The following ARSG variants were observed in gnomAD, a reference collection of about 807,000 sequenced individuals.
The protein encoded by ARSG is ASG.
A neutral mutation model predicts 50.5 loss-of-function variants in ARSG; 37 were observed. The ratio of observed to expected loss-of-function variants is 0.73; its 90% CI spans 0.56 to 0.96. The LOEUF is 0.96. ARSG is among the 50% of genes least tolerant of loss of function. The probability of loss-of-function intolerance (pLI) is 0.00; values close to 1 mark genes in which losing one functional copy is unlikely to be tolerated. For missense variants in ARSG, 629 were observed against 675.3 expected (o/e 0.93, Z 0.76); for synonymous variants, 225 against 254.6 (o/e 0.88, Z 1.11).
intron 4 of ARSG, 23 bp downstream of exon 4, chr17:68,347,195 G>T: frequency 6.2e-7 from 1 of 1,611,032 alleles, no homozygotes. Flanking sequence ...TTGGGGATTT[G>T]TTACCTGGGA....
chr17:68,431,155 C>A, the ARSG span, among the ~76,000 whole-genome samples: 1 of 152,120 alleles, frequency 6.6e-6, no homozygotes, highest in African/African-American at 2.4e-5. Context: ...TGAGAGAGCA[C>A]GGGTGTATAC....
At chr17:68,351,546 G>C in intron 4 of ARSG, 29 bp from the exon 5 acceptor site, 2 of 1,316,348 alleles carry the variant, frequency 1.5e-6, no homozygotes, top group Non-Finnish European at 2.2e-6. Flanking sequence ...CAGCCACGTG[G>C]GGGTGCTAAC....
At chr17:68,278,053 T>C (rs537004480) in intron 1 of ARSG, 1 of 1,475,818 alleles carries the variant, frequency 6.8e-7, no homozygotes, top group African/African-American at 1.4e-5. Context: ...AAGGGCCCTA[T>C]ACTTACGTCA....
chr17:68,403,209 A>G (rs956716808), intron 11 of ARSG, among the ~76,000 whole-genome samples: 32 of 152,212 alleles, frequency 2.1e-4, no homozygotes, highest in Admixed American at 1.8e-3. Context: ...TAGAGTCCTT[A>G]TATTACATTA....
chr17:68,426,747 C>T (rs2083221206), downstream of ARSG, among the ~76,000 whole-genome samples: 1 of 152,174 alleles, frequency 6.6e-6, no homozygotes, highest in Non-Finnish European at 1.5e-5. Context: ...GTTGGCTAGG[C>T]TGGTCTCAAA....
chr17:68,418,308 T>C (rs182280084), intron 11 of ARSG, among the ~76,000 whole-genome samples: 1 of 152,322 alleles, frequency 6.6e-6, no homozygotes, highest in Non-Finnish European at 1.5e-5. Context: ...TTCAGATTTT[T>C]CCCTTGATCT....
intron 9 of ARSG, among the ~76,000 whole-genome samples, chr17:68,394,051 A>T (rs2081121758): frequency 6.6e-6 from 1 of 151,922 alleles, no homozygotes; most frequent in African/African-American, 2.4e-5. Flanking sequence ...TTCAGCCTTT[A>T]TTCACATTTT....
At chr17:68,268,088 C>A (rs2075211165) in intron 1 of ARSG, 1 of 152,046 alleles carries the variant, frequency 6.6e-6, no homozygotes, top group Non-Finnish European at 1.5e-5. Context: ...ACACGTTGCC[C>A]CTAATCAAAT....
At chr17:68,358,652 G>A (rs1157855470) in intron 6 of ARSG, among the ~76,000 whole-genome samples, 1 of 151,942 alleles carries the variant, frequency 6.6e-6, no homozygotes, top group Non-Finnish European at 1.5e-5. Flanking sequence ...TTGTGCCACC[G>A]CACTCCAGCC....
chr17:68,364,734 T>A (rs1253413482), intron 6 of ARSG, among the ~76,000 whole-genome samples: 1 of 152,172 alleles, frequency 6.6e-6, no homozygotes, highest in Non-Finnish European at 1.5e-5. Flanking sequence ...TTTATTAAGG[T>A]ATAGTTGAAA....
intron 1 of ARSG, among the ~76,000 whole-genome samples, chr17:68,301,362 G>C (rs1330782552): frequency 6.6e-6 from 1 of 152,180 alleles, no homozygotes; most frequent in East Asian, 1.9e-4. Flanking sequence ...CCTTTGTCCT[G>C]GCTATCGTGG....
chr17:68,392,486 A>C (rs2081041179), intron 9 of ARSG, among the ~76,000 whole-genome samples: 1 of 152,050 alleles, frequency 6.6e-6, no homozygotes, highest in South Asian at 2.1e-4. Flanking sequence ...AACCATAAAC[A>C]TTCGCTATTT....
upstream of ARSG, chr17:68,291,212 C>A (rs1266148349): frequency 1.3e-5 from 2 of 151,818 alleles, no homozygotes; most frequent in Non-Finnish European, 2.9e-5. Context: ...GGGCCCGACT[C>A]TAGCGCAAGT....
At chr17:68,357,266 G>C (rs896121007) in intron 6 of ARSG, among the ~76,000 whole-genome samples, 1 of 152,238 alleles carries the variant, frequency 6.6e-6, no homozygotes, top group East Asian at 1.9e-4. Context: ...CTGGAGGCCA[G>C]ATGTCTGAAA....
At chr17:68,261,124 G>A (rs545880567) in intron 1 of ARSG, among the ~76,000 whole-genome samples, 19 of 152,274 alleles carry the variant, frequency 1.2e-4, no homozygotes, top group Middle Eastern at 3.4e-3. Context: ...CAGCTGTTTC[G>A]TAGCAGCACA....
At chr17:68,372,696 G>A (rs919188084) in intron 8 of ARSG, among the ~76,000 whole-genome samples, 5 of 152,036 alleles carry the variant, frequency 3.3e-5, no homozygotes, top group African/African-American at 1.2e-4. Flanking sequence ...GGGACACAGA[G>A]CCAAACCGTA....
chr17:68,356,768 A>G lies in ARSG; in HGVS notation c.668A>G (p.Tyr223Cys). ...AACTTGAGCAGCCTTGCCCAGAAGT[A>G]TGCTGAGAAAGCAACCCAGTTCATC... ...PVNLSSLAQK[Y>C]AEKATQFIQR... The change falls in exon 6 of 12, where the codon TAT becomes TGT. Residue 223 changes from tyrosine (Y) to cysteine (C), a missense_variant. Tyr to Cys is a radical substitution (Grantham distance 194). Transcript: ENST00000621439. The G allele has an allele frequency of 2.5e-6, 4 of 1,614,184 alleles. No homozygotes were observed. The highest frequency in any genetic ancestry group is 3.4e-6 in the Non-Finnish European group (4 of 1,180,030).
intron 3 of ARSG, 88 bp downstream of exon 3, chr17:68,343,879 T>C: frequency 7.5e-7 from 1 of 1,333,890 alleles, no homozygotes; most frequent in Non-Finnish European, 1.0e-6. Context: ...CCTGTCTGCT[T>C]TCCTGTTCAT....
intron 11 of ARSG, among the ~76,000 whole-genome samples, chr17:68,415,623 A>G (rs1344747236): frequency 6.6e-6 from 1 of 152,120 alleles, no homozygotes; most frequent in Admixed American, 6.5e-5. Context: ...TGGAGTATTG[A>G]AGTCCCCCAC....
Sources: gnomAD v4.1 joint callset for allele counts (sites outside exome capture counted in the v4.1 genomes callset) on GRCh38, gnomAD v4.1.1 for gene constraint, MANE v1.5 for transcripts, NCBI Gene and HGNC (gene_info 2026-07-23, HGNC 2026-07-21) for gene names.